Variants in LUZP2 observed in about 807,000 individuals in gnomAD.
LUZP2 encodes leucine zipper protein 2.
In LUZP2, 52 loss-of-function variants were observed where a neutral mutation model predicts 51.6. The observed-to-expected ratio is 1.01, with a 90% CI of 0.81 to 1.27. The LOEUF (loss-of-function observed/expected upper bound fraction) is 1.27, where lower values mean the gene tolerates loss of function less well. LUZP2 is among the 50% of genes most tolerant of loss of function. LUZP2 has a pLI of 0.00. For missense variants in LUZP2, 436 were observed against 395.4 expected (o/e 1.10, Z -0.87); for synonymous variants, 154 against 137.3 (o/e 1.12, Z -0.85).
At chr11:24,580,552 A>G (rs961412110) in intron 1 of LUZP2, among the ~76,000 whole-genome samples, 2 of 152,182 alleles carry the variant, frequency 1.3e-5, no homozygotes, top group Admixed American at 6.6e-5. Flanking sequence ...TCACTTTGCA[A>G]TTAAACTTTT....
chr11:24,609,066 C>T (rs1231036199), intron 1 of LUZP2, among the ~76,000 whole-genome samples: 1 of 152,098 alleles, frequency 6.6e-6, no homozygotes, highest in Non-Finnish European at 1.5e-5. Context: ...GGCTCCCTAA[C>T]ATTCTACCCA....
chr11:24,646,496 C>A (rs2133954433), intron 1 of LUZP2: 1 of 648,702 alleles, frequency 1.5e-6, no homozygotes, highest in Non-Finnish European at 1.9e-6. Flanking sequence ...AATGCTTTAC[C>A]TTATTGGAAT....
intron 5 of LUZP2, among the ~76,000 whole-genome samples, chr11:24,870,841 G>C (rs1230452438): frequency 6.6e-6 from 1 of 152,102 alleles, no homozygotes; most frequent in African/African-American, 2.4e-5. Flanking sequence ...TCCAGTAGCT[G>C]TTGTTCTCTA....
intron 10 of LUZP2, among the ~76,000 whole-genome samples, chr11:25,059,224 G>A (rs78693696): frequency 0.015 from 2,262 of 152,190 alleles, 31 homozygotes; most frequent in South Asian, 0.071. Flanking sequence ...GTATAAAGAA[G>A]CGTTTAATAA....
intron 1 of LUZP2, among the ~76,000 whole-genome samples, chr11:24,502,488 A>C (rs1291975043): frequency 6.6e-6 from 1 of 151,986 alleles, no homozygotes; most frequent in African/African-American, 2.4e-5. Context: ...GGGTTTAAGC[A>C]ATTCTCTGCC....
intron 5 of LUZP2, among the ~76,000 whole-genome samples, chr11:24,880,301 C>G (rs576297042): frequency 1.3e-5 from 2 of 152,172 alleles, no homozygotes; most frequent in Admixed American, 1.3e-4. Flanking sequence ...TCTCTCCACG[C>G]CATGAGGCTG....
chr11:24,890,199 A>G (rs766470), intron 5 of LUZP2, among the ~76,000 whole-genome samples: 75,868 of 152,040 alleles, frequency 0.5, 19,405 homozygotes, highest in East Asian at 0.72. Flanking sequence ...GTAACCAAGC[A>G]TATACTCAGG....
At chr11:24,994,778 A>G (rs1187521534) in intron 9 of LUZP2, among the ~76,000 whole-genome samples, 1 of 152,190 alleles carries the variant, frequency 6.6e-6, no homozygotes, top group African/African-American at 2.4e-5. Flanking sequence ...TGGTAATTTA[A>G]TCTTTAAAAT....
At chr11:24,890,219 TAC>T (rs987149306) in intron 5 of LUZP2, among the ~76,000 whole-genome samples, 24 of 152,312 alleles carry the variant, frequency 1.6e-4, no homozygotes, top group African/African-American at 5.5e-4. Flanking sequence ...GGAGAAAAGA[TAC>T]AGAGTCTCAA....
chr11:24,863,252 G>A (rs1304260441), intron 5 of LUZP2, among the ~76,000 whole-genome samples: 3 of 152,088 alleles, frequency 2.0e-5, no homozygotes, highest in Non-Finnish European at 4.4e-5. Context: ...ACATGTACAT[G>A]AATATTCATG....
chr11:24,646,034 G>C (rs971729098), intron 1 of LUZP2, among the ~76,000 whole-genome samples: 1 of 152,052 alleles, frequency 6.6e-6, no homozygotes, highest in Admixed American at 6.6e-5. Flanking sequence ...CTCATGAGTT[G>C]TGTGGTCTTA....
chr11:24,617,737 C>T (rs1380740330), intron 1 of LUZP2, among the ~76,000 whole-genome samples: 1 of 151,950 alleles, frequency 6.6e-6, no homozygotes, highest in Non-Finnish European at 1.5e-5. Flanking sequence ...AGGGTAATCT[C>T]TTGAACCTCG....
intron 7 of LUZP2, among the ~76,000 whole-genome samples, chr11:24,940,608 G>A (rs1854719370): frequency 6.6e-6 from 1 of 152,068 alleles, no homozygotes; most frequent in Admixed American, 6.5e-5. Flanking sequence ...AAATTAATGA[G>A]TTAATACAAA....
chr11:24,728,370 GTA>G (rs1406229153), intron 1 of LUZP2, among the ~76,000 whole-genome samples: 1 of 151,832 alleles, frequency 6.6e-6, no homozygotes, highest in African/African-American at 2.4e-5. Flanking sequence ...ATTCCATTTT[GTA>G]TGTTTTGCTG....
At chr11:24,665,286 C>T (rs748615535) in intron 1 of LUZP2, among the ~76,000 whole-genome samples, 1 of 152,086 alleles carries the variant, frequency 6.6e-6, no homozygotes, top group Non-Finnish European at 1.5e-5. Context: ...GGTGTATTTA[C>T]CCATTGCCTG....
chr11:24,791,011 T>C (rs570379283), intron 5 of LUZP2, among the ~76,000 whole-genome samples: 18 of 152,312 alleles, frequency 1.2e-4, no homozygotes, highest in Middle Eastern at 6.8e-3. Flanking sequence ...CAGATATGTA[T>C]GTGCAAATGC....
intron 1 of LUZP2, among the ~76,000 whole-genome samples, chr11:24,717,787 T>C (rs1026513202): frequency 6.6e-6 from 1 of 152,102 alleles, no homozygotes; most frequent in Admixed American, 6.6e-5. Context: ...GTGTCTGTTT[T>C]CCCTTCTTTG....
chr11:24,547,373 T>C (rs375702115), intron 1 of LUZP2, among the ~76,000 whole-genome samples: 15 of 152,060 alleles, frequency 9.9e-5, no homozygotes, highest in African/African-American at 2.2e-4. Flanking sequence ...AACAGACACA[T>C]AGACCAACGG....
intron 9 of LUZP2, among the ~76,000 whole-genome samples, chr11:25,037,067 A>G (rs1857888897): frequency 6.6e-6 from 1 of 152,076 alleles, no homozygotes; most frequent in African/African-American, 2.4e-5. Context: ...GAAGTCTCTC[A>G]TGATTGTTGT....
Sources: gnomAD v4.1 joint callset for allele counts (sites outside exome capture counted in the v4.1 genomes callset) on GRCh38, gnomAD v4.1.1 for gene constraint, MANE v1.5 for transcripts, NCBI Gene and HGNC (gene_info 2026-07-23, HGNC 2026-07-21) for gene names.